USP40: variants seen among roughly 807,000 people sequenced by gnomAD.
USP40 encodes the protein ubiquitin specific peptidase 40.
A neutral mutation model predicts 166.2 loss-of-function variants in USP40; 143 were observed. That is an observed-to-expected ratio of 0.86 (90% CI 0.75 to 0.99). USP40 has a LOEUF of 0.99. Ranked by LOEUF, USP40 falls within the 50% of genes least tolerant of loss-of-function variation. The probability of loss-of-function intolerance (pLI) is 0.00; values close to 1 mark genes in which losing one functional copy is unlikely to be tolerated. For missense variants in USP40, 1,444 were observed against 1,479.7 expected, an observed-to-expected ratio of 0.98 and a Z score of 0.40; for synonymous variants, 498 against 524.0, an observed-to-expected ratio of 0.95 and a Z score of 0.68.
At chr2:233,542,619 A>C (rs1169419745) in intron 8 of USP40, 1 of 326,844 alleles carries the variant, frequency 3.1e-6, no homozygotes, top group African/African-American at 2.2e-5. Context: ...TCAAGGCTGC[A>C]GTAGGCCGTG....
At chr2:233,512,997 T>C (rs557694047) in intron 18 of USP40, 3 of 152,916 alleles carry the variant, frequency 2.0e-5, no homozygotes, top group Admixed American at 6.5e-5. Flanking sequence ...ATATTATACA[T>C]GTATTGGGAA....
intron 11 of USP40, 23 bp downstream of exon 11, chr2:233,533,456 T>C (rs1021217776): frequency 3.1e-6 from 5 of 1,595,180 alleles, no homozygotes; most frequent in Non-Finnish European, 2.6e-6. Context: ...CTGAAACAAA[T>C]AGGAACATTT....
chr2:233,526,679 G>A (rs1490232411), intron 13 of USP40, among the ~76,000 whole-genome samples: 1 of 152,050 alleles, frequency 6.6e-6, no homozygotes, highest in Non-Finnish European at 1.5e-5. Flanking sequence ...TGGAGCAGGA[G>A]GGTGATTAGG....
intron 11 of USP40, 40 bp downstream of exon 11, chr2:233,533,439 C>T (rs748433427): frequency 1.4e-5 from 22 of 1,568,212 alleles, no homozygotes; most frequent in Non-Finnish European, 1.8e-5. Flanking sequence ...TCTTCTAAAG[C>T]CATTAACTGA....
chr2:233,498,889 C>A (rs372939161), intron 22 of USP40, among the ~76,000 whole-genome samples: 2 of 152,054 alleles, frequency 1.3e-5, no homozygotes, highest in African/African-American at 2.4e-5. Flanking sequence ...GTCATCTATA[C>A]CACAAAAATA....
chr2:233,488,309 T>C lies in USP40; in HGVS notation c.3132-5A>G. Reference sequence around the variant, plus strand: ...CTCCGTCCTAGTTTATATTCCCTGATAATAAGTGAAACAAGATAATATTGA... The same window carrying C: ...CTCCGTCCTAGTTTATATTCCCTGACAATAAGTGAAACAAGATAATATTGA... On this transcript the variant is annotated splice_polypyrimidine_tract_variant and splice_region_variant and intron_variant, in intron 27 of 31. Coordinates refer to ENST00000678225, the MANE Select transcript of USP40 (RefSeq NM_001365479.2). The C allele has an allele frequency of 6.3e-7, 1 of 1,591,048 alleles. No individual in the cohort carries two copies. Among genetic ancestry groups the C allele is most frequent in the South Asian group, 1.2e-5 (1 of 86,918 alleles).
In USP40 at chr2:233,566,765, G is replaced by A; in HGVS notation, c.-101C>T. 1.0e-6 allele frequency: 1 copy of A among 985,966 alleles called. No homozygotes were observed. The allele number at this position is 985,966 out of a possible 1,614,324, so 61.1% of individuals were successfully genotyped here. A position where few individuals can be genotyped will look rare whatever the true frequency, so the allele number is the denominator to read the frequency against. On this transcript the variant is annotated 5_prime_UTR_variant, in exon 1 of 32. Transcript: ENST00000678225. ...AACTGGGCGCCGCCATGTTGGCGAG[G>A]GCGGGTCTCCAGAAAGTGATTTATG...
At position 233,510,402 on chromosome 2, in the gene USP40, T is replaced by A. The variant is rs544767209; in HGVS notation, c.2527-267A>T. Among the ~76,000 whole-genome samples, 2 of 133,954 alleles carry A rather than the reference T, an allele frequency of 1.5e-5. 1 individual carries two copies. Among genetic ancestry groups the A allele is most frequent in the South Asian group, 5.1e-4 (2 of 3,932 alleles). The allele number at this position is 133,954 out of a possible 152,430, so 87.9% of individuals were successfully genotyped here. ...TACTTCTTTTTCTTTCTTTTTTTTT[T>A]TTTTTTTTTTTTTTTTTGAGATGGA... On this transcript the variant is annotated intron_variant, in intron 20 of 31. Transcript: ENST00000678225.
chr2:233,525,711 AAAG>A (rs1222984573), intron 13 of USP40, 149 bp from the exon 14 acceptor site: 1 of 552,182 alleles, frequency 1.8e-6, no homozygotes, highest in Non-Finnish European at 3.1e-6. Context: ...GAAAACTTGA[AAAG>A]AAGGCATCAC....
At chr2:233,559,374 CA>C (rs1559287764) in intron 4 of USP40, among the ~76,000 whole-genome samples, 1 of 152,182 alleles carries the variant, frequency 6.6e-6, no homozygotes, top group Non-Finnish European at 1.5e-5. Flanking sequence ...GATTCAAACA[CA>C]AAGCACATAA....
chr2:233,518,566 CAAAAAA>C (rs61393952), intron 18 of USP40, among the ~76,000 whole-genome samples: 1 of 77,840 alleles, frequency 1.3e-5, no homozygotes, highest in Non-Finnish European at 2.6e-5. Flanking sequence ...GACTCTGTCT[CAAAAAA>C]AAAAAAAAAA....
At chr2:233,521,968 T>C (rs933388449) in intron 16 of USP40, among the ~76,000 whole-genome samples, 1 of 152,224 alleles carries the variant, frequency 6.6e-6, no homozygotes, top group Non-Finnish European at 1.5e-5. Flanking sequence ...GTCTATGAAG[T>C]TGGCACTAGT....
intron 27 of USP40, 32 bp from the exon 28 acceptor site, chr2:233,488,336 T>G: frequency 6.6e-7 from 1 of 1,515,026 alleles, no homozygotes; most frequent in Non-Finnish European, 8.9e-7. Context: ...TAATATTGAG[T>G]GACATAACAT....
At chr2:233,494,871 C>G (rs1265479545) in intron 24 of USP40, among the ~76,000 whole-genome samples, 1 of 116,904 alleles carries the variant, frequency 8.6e-6, no homozygotes, top group Non-Finnish European at 1.7e-5. Flanking sequence ...AATTTCAGTT[C>G]TAGGAATTTA....
At chr2:233,547,808 G>C (rs1006009115) in intron 8 of USP40, among the ~76,000 whole-genome samples, 6 of 152,198 alleles carry the variant, frequency 3.9e-5, no homozygotes, top group African/African-American at 1.4e-4. Context: ...ATCCCACTGA[G>C]TATGTGTGTG....
intron 16 of USP40, among the ~76,000 whole-genome samples, chr2:233,522,557 G>A (rs2067730687): frequency 6.6e-6 from 1 of 152,160 alleles, no homozygotes; most frequent in African/African-American, 2.4e-5. Context: ...TTCAATATAT[G>A]GAAATATTGC....
chr2:233,521,633 T>C (rs981582035), intron 16 of USP40, among the ~76,000 whole-genome samples: 1 of 152,204 alleles, frequency 6.6e-6, no homozygotes, highest in African/African-American at 2.4e-5. Flanking sequence ...TTCCCACAGA[T>C]AGTAGTAAAG....
chr2:233,487,686 T>C lies in USP40; in HGVS notation c.3197+553A>G, dbSNP rs1172794122. 3.3e-5 allele frequency: 7 copies of C among 211,948 alleles called. No individual in the cohort carries two copies. The Middle Eastern group carries it at 5.8e-3, about 176-fold the overall frequency. The allele number at this position is 211,948 out of a possible 1,614,324, so 13.1% of individuals were successfully genotyped here. ...GCGAAAAAAGAACAAGATGGTTTGATTGTAGACAATTTTGGGTGTATCTTT... is the reference window on the plus strand; with the variant it reads ...GCGAAAAAAGAACAAGATGGTTTGACTGTAGACAATTTTGGGTGTATCTTT... On this transcript the variant is annotated intron_variant, in intron 28 of 31. Coordinates refer to ENST00000678225, the MANE Select transcript of USP40 (RefSeq NM_001365479.2).
At chr2:233,554,186 G>A in intron 6 of USP40, 194 bp downstream of exon 6, 1 of 501,230 alleles carries the variant, frequency 2.0e-6, no homozygotes, top group Non-Finnish European at 3.1e-6. Flanking sequence ...AGAAAAGGAA[G>A]TTGGGTGAAC....
Sources: allele counts gnomAD v4.1 joint callset (sites outside exome capture counted in the v4.1 genomes callset), GRCh38; gene constraint gnomAD v4.1.1; transcripts MANE v1.5; gene names NCBI Gene and HGNC (gene_info 2026-07-23, HGNC 2026-07-21).